PCSK5: variants seen among roughly 807,000 people sequenced by gnomAD.
PCSK5 encodes the protein proprotein convertase subtilisin/kexin type 5.
In PCSK5, 129 loss-of-function variants were observed where a neutral mutation model predicts 233.2. The ratio of observed to expected loss-of-function variants is 0.55; its 90% CI spans 0.48 to 0.64. The LOEUF is 0.64. Ranked by LOEUF, PCSK5 falls within the 30% of genes least tolerant of loss-of-function variation. PCSK5 has a pLI of 0.00. For missense variants in PCSK5, 2,076 were observed against 2,430.1 expected, an observed-to-expected ratio of 0.85 and a Z score of 3.06; for synonymous variants, 825 against 879.2, an observed-to-expected ratio of 0.94 and a Z score of 1.09.
rs1367120045 is a variant in PCSK5 at position 76,358,731 on chromosome 9, G to A, written c.5473G>A (p.Glu1825Lys). The change falls in exon 38 of 38, where the codon GAG becomes AAG. Residue 1825 changes from glutamate to lysine, a missense_variant. Glu to Lys is a moderately conservative substitution (Grantham distance 56, BLOSUM62 1). This residue lies in a region of PCSK5 where 1,510 missense variants were observed against 1,538.1 expected (regional missense o/e 0.98). Transcript: ENST00000674117. ...SYSSYKSSYRESTSFEEDQVI... is the reference protein window; with the variant it reads ...SYSSYKSSYRKSTSFEEDQVI... ...CTCCTCCTATAAGAGCAGCTATAGA[G>A]AGAGCACCAGCTTTGAAGAGGATCA... is the stretch of plus-strand genomic sequence containing the variant. The A allele has an allele frequency of 1.2e-6, 2 of 1,612,920 alleles. No individual in the cohort carries two copies. Among genetic ancestry groups the A allele is most frequent in the East Asian group, 2.2e-5 (1 of 44,892 alleles).
intron 2 of PCSK5, among the ~76,000 whole-genome samples, chr9:75,966,472 C>A (rs7869406): frequency 6.6e-6 from 1 of 151,768 alleles, no homozygotes; most frequent in Non-Finnish European, 1.5e-5. Flanking sequence ...ATACATTGCC[C>A]ATAAGGAGAG....
At chr9:75,909,262 G>T (rs1184675545) in intron 1 of PCSK5, among the ~76,000 whole-genome samples, 1 of 151,894 alleles carries the variant, frequency 6.6e-6, no homozygotes, top group Non-Finnish European at 1.5e-5. Context: ...GGATGCAGAG[G>T]TTGCAATGAG....
chr9:76,271,522 T>C (rs1036978448), intron 24 of PCSK5, among the ~76,000 whole-genome samples: 3 of 152,196 alleles, frequency 2.0e-5, no homozygotes, highest in Non-Finnish European at 4.4e-5. Flanking sequence ...TTCCCAGAGC[T>C]GCTGCCACAA....
intron 3 of PCSK5, among the ~76,000 whole-genome samples, chr9:76,004,999 T>C (rs1827416569): frequency 6.6e-6 from 1 of 152,232 alleles, no homozygotes; most frequent in Admixed American, 6.5e-5. Flanking sequence ...CTGGAGGTTA[T>C]AGTGGTACCT....
intron 1 of PCSK5, among the ~76,000 whole-genome samples, chr9:75,914,454 C>G (rs946960252): frequency 6.6e-6 from 1 of 152,084 alleles, no homozygotes; most frequent in Non-Finnish European, 1.5e-5. Context: ...ATACTAGTCT[C>G]CTAAAATATA....
At chr9:76,243,446 A>T (rs1020005163) in intron 24 of PCSK5, among the ~76,000 whole-genome samples, 3 of 152,206 alleles carry the variant, frequency 2.0e-5, no homozygotes, top group African/African-American at 7.2e-5. Context: ...AGACCATTCT[A>T]AATACCTCTA....
At position 76,354,094 on chromosome 9, in the gene PCSK5, C is replaced by T; in HGVS notation, c.5129C>T (p.Ala1710Val). The T allele has an allele frequency of 6.2e-7, 1 of 1,608,428 alleles. No individual in the cohort carries two copies. Among genetic ancestry groups the T allele is most frequent in the African/African-American group, 1.3e-5 (1 of 74,996 alleles). Residue 1710 changes from alanine to valine, a missense_variant, in exon 37 of 38, where the codon GCC becomes GTC. By Grantham distance (64) the Ala-to-Val change is moderately conservative. Transcript: ENST00000674117. ...TGCATGGAATGCAAGGGACCAGGGG[C>T]CAAGAACTGCACCTTGTGCCCTGCC... ...ESCMECKGPG[A>V]KNCTLCPANL...
intron 20 of PCSK5, among the ~76,000 whole-genome samples, chr9:76,208,307 G>C (rs1587760185): frequency 6.6e-6 from 1 of 152,120 alleles, no homozygotes; most frequent in African/African-American, 2.4e-5. Flanking sequence ...ATGACCCTGG[G>C]TGCCATGTAA....
intron 3 of PCSK5, among the ~76,000 whole-genome samples, chr9:76,008,490 C>T (rs1827579147): frequency 6.6e-6 from 1 of 151,078 alleles, no homozygotes. Flanking sequence ...GAGATGGAGT[C>T]TCGCTCTGTC....
chr9:76,061,184 T>G (rs1218920236), intron 5 of PCSK5, among the ~76,000 whole-genome samples: 1 of 152,132 alleles, frequency 6.6e-6, no homozygotes, highest in Non-Finnish European at 1.5e-5. Context: ...AAGCCTGATA[T>G]GATGGACACA....
At chr9:76,296,237 T>C (rs113868704) in intron 26 of PCSK5, among the ~76,000 whole-genome samples, 10,175 of 152,270 alleles carry the variant, frequency 0.067, 414 homozygotes, top group South Asian at 0.14. Context: ...AGTGCTGGGA[T>C]TACAAGCATG....
At chr9:76,077,852 G>A (rs1830694652) in intron 7 of PCSK5, among the ~76,000 whole-genome samples, 1 of 152,258 alleles carries the variant, frequency 6.6e-6, no homozygotes, top group South Asian at 2.1e-4. Flanking sequence ...ATTGTGAACA[G>A]CACTACAATG....
intron 2 of PCSK5, among the ~76,000 whole-genome samples, chr9:75,959,480 A>G (rs1271233430): frequency 6.6e-6 from 1 of 152,206 alleles, no homozygotes; most frequent in East Asian, 1.9e-4. Context: ...ACATGAGACT[A>G]CAGGATGTCA....
At chr9:75,978,338 C>T (rs1383511156) in intron 2 of PCSK5, among the ~76,000 whole-genome samples, 1 of 152,222 alleles carries the variant, frequency 6.6e-6, no homozygotes, top group Non-Finnish European at 1.5e-5. Flanking sequence ...GCAATTAAAA[C>T]ACAAGTTACT....
At chr9:75,899,767 A>T (rs1825948061) in intron 1 of PCSK5, among the ~76,000 whole-genome samples, 1 of 152,190 alleles carries the variant, frequency 6.6e-6, no homozygotes, top group African/African-American at 2.4e-5. Flanking sequence ...AGGGCTTAGG[A>T]TTGTTAAGAG....
chr9:75,995,535 T>G (rs1334817411), intron 3 of PCSK5, among the ~76,000 whole-genome samples: 5 of 152,198 alleles, frequency 3.3e-5, no homozygotes, highest in Non-Finnish European at 5.9e-5. Flanking sequence ...TGATTTTATC[T>G]GGGAGTGCTT....
chr9:75,960,380 G>A (rs1398603705), intron 2 of PCSK5, among the ~76,000 whole-genome samples: 7 of 152,260 alleles, frequency 4.6e-5, no homozygotes, highest in Middle Eastern at 3.4e-3. Flanking sequence ...ACTTCTGAAG[G>A]AGTGAGAAAT....
chr9:76,275,395 T>C (rs1827659009), intron 24 of PCSK5, among the ~76,000 whole-genome samples: 1 of 152,100 alleles, frequency 6.6e-6, no homozygotes, highest in South Asian at 2.1e-4. Flanking sequence ...CTATTTTTTG[T>C]TTGTTTGCTT....
At chr9:76,277,145 G>A (rs115373094) in intron 24 of PCSK5, among the ~76,000 whole-genome samples, 1,727 of 152,154 alleles carry the variant, frequency 0.011, 30 homozygotes, top group African/African-American at 0.04. Context: ...CAGGAGAATC[G>A]CCTGAATCTG....
Sources: gnomAD v4.1 joint callset for allele counts (sites outside exome capture counted in the v4.1 genomes callset) on GRCh38, gnomAD v4.1.1 for gene constraint, gnomAD v4.1.1 regional missense constraint, MANE v1.5 for transcripts, NCBI Gene and HGNC (gene_info 2026-07-23, HGNC 2026-07-21) for gene names.